The following ANO1 variants were observed in gnomAD, a reference collection of about 807,000 sequenced individuals.
ANO1 encodes the protein anoctamin 1, also known as anoctamin-1.
In ANO1, 59 loss-of-function variants were observed where a neutral mutation model predicts 124.0. That is an observed-to-expected ratio of 0.48 (90% confidence interval 0.39 to 0.59). ANO1 has a LOEUF of 0.59. ANO1 is among the 20% of genes least tolerant of loss of function. ANO1 has a pLI of 0.00. For synonymous variants in ANO1, 529 were observed against 532.0 expected (o/e 0.99, Z 0.08); for missense variants, 1,059 against 1,328.0 (o/e 0.80, Z 3.15).
At chr11:70,069,609 G>A (rs1857818847) in intron 1 of ANO1, among the ~76,000 whole-genome samples, 1 of 152,158 alleles carries the variant, frequency 6.6e-6, no homozygotes, top group Non-Finnish European at 1.5e-5. Context: ...CAGGGATGCT[G>A]ACTTGATTTT....
chr11:70,152,523 T>A (rs1331049657), intron 13 of ANO1, 62 bp downstream of exon 13: 2 of 1,563,172 alleles, frequency 1.3e-6, no homozygotes, highest in Middle Eastern at 1.7e-4. Context: ...AGAGGGACCT[T>A]CTCTTGCACC....
intron 1 of ANO1, chr11:70,085,599 G>C (rs2044341328): frequency 6.5e-7 from 1 of 1,535,584 alleles, no homozygotes; most frequent in Admixed American, 2.0e-5. Context: ...CAAGGTGCCA[G>C]GGACATGGCC....
chr11:70,043,456 G>C (rs1386387468), intron 1 of ANO1, among the ~76,000 whole-genome samples: 1 of 152,118 alleles, frequency 6.6e-6, no homozygotes, highest in Admixed American at 6.5e-5. Context: ...TTAATGAGAA[G>C]TATAAGCCCA....
chr11:69,969,763 A>G, the ANO1 span, among the ~76,000 whole-genome samples: 4 of 152,244 alleles, frequency 2.6e-5, no homozygotes, highest in African/African-American at 9.6e-5. Flanking sequence ...CCTGGCCAAT[A>G]TGGTGAAACC....
the ANO1 span, among the ~76,000 whole-genome samples, chr11:69,976,528 AAAAAAAAAAAAAAAAAAAAAAAAAAAG>A: frequency 3.9e-4 from 8 of 20,672 alleles, 2 homozygotes; most frequent in South Asian, 7.9e-3. Flanking sequence ...AAAAAAAAAA[AAAAAAAAAAAAAAAAAAAAAAAAAAAG>A]AGAGAGAGAG....
chr11:70,118,043 T>G (rs1383700285), intron 8 of ANO1, among the ~76,000 whole-genome samples: 1 of 152,116 alleles, frequency 6.6e-6, no homozygotes, highest in Non-Finnish European at 1.5e-5. Flanking sequence ...AATTCCAGCC[T>G]CAGAGTCCAG....
chr11:69,967,678 C>G, the ANO1 span, among the ~76,000 whole-genome samples: 1 of 152,208 alleles, frequency 6.6e-6, no homozygotes, highest in Admixed American at 6.5e-5. Context: ...CCCGTTTACA[C>G]AAGAGTAAAG....
At chr11:70,170,774 G>A in intron 21 of ANO1, 113 bp from the exon 22 acceptor site, 11 of 1,377,236 alleles carry the variant, frequency 8.0e-6, no homozygotes, top group South Asian at 2.8e-5. Context: ...AGGTGGGCTC[G>A]TTGGAGGTGG....
intron 1 of ANO1, among the ~76,000 whole-genome samples, chr11:70,008,430 G>A (rs1270927026): frequency 6.6e-6 from 1 of 152,178 alleles, no homozygotes; most frequent in Non-Finnish European, 1.5e-5. Context: ...TATGGCGTAA[G>A]GTAAGGATCC....
chr11:70,135,154 C>A (rs1288651479), intron 11 of ANO1, among the ~76,000 whole-genome samples: 2 of 152,058 alleles, frequency 1.3e-5, no homozygotes, highest in African/African-American at 4.8e-5. Context: ...CTCATGGCAC[C>A]CTCCCTCCCT....
At chr11:70,127,415 G>A (rs1455548239) in intron 10 of ANO1, among the ~76,000 whole-genome samples, 1 of 152,162 alleles carries the variant, frequency 6.6e-6, no homozygotes, top group African/African-American at 2.4e-5. Flanking sequence ...ATGTAGATCC[G>A]ATGTGCCTTC....
the ANO1 span, among the ~76,000 whole-genome samples, chr11:69,978,665 G>A: frequency 7.2e-5 from 11 of 152,116 alleles, no homozygotes; most frequent in African/African-American, 2.4e-4. Flanking sequence ...CCTCCTTCTT[G>A]ATTGTCCTAT....
intron 1 of ANO1, among the ~76,000 whole-genome samples, chr11:70,034,129 G>A (rs950456178): frequency 3.5e-4 from 54 of 152,226 alleles, no homozygotes; most frequent in African/African-American, 1.0e-3. Flanking sequence ...CACCCATTAC[G>A]TAGCAGGTCC....
intron 11 of ANO1, among the ~76,000 whole-genome samples, chr11:70,134,627 G>T (rs2046883771): frequency 6.6e-6 from 1 of 152,206 alleles, no homozygotes; most frequent in African/African-American, 2.4e-5. Flanking sequence ...TGCGCCTGGT[G>T]TGTGGGAGGT....
chr11:70,016,773 C>T (rs1555002010), intron 1 of ANO1, among the ~76,000 whole-genome samples: 1 of 152,246 alleles, frequency 6.6e-6, no homozygotes, highest in Non-Finnish European at 1.5e-5. Context: ...CACCCTTAAT[C>T]TGGCTGCACT....
chr11:70,179,988 CT>C lies in ANO1; in HGVS notation c.2351-14del. ...AGTGTAGGGCTCTTTAAAACTGTGA[CT>C]TCTTCTTCCCCCAGGAATCTGGTAC... On this transcript the variant is annotated splice_polypyrimidine_tract_variant and intron_variant, in intron 22 of 25. Coordinates refer to ENST00000355303, the MANE Select transcript of ANO1 (RefSeq NM_018043.7). 6.2e-7 allele frequency: 1 copy of C among 1,611,004 alleles called. No individual in the cohort carries two copies. Among genetic ancestry groups the C allele is most frequent in the Non-Finnish European group, 8.5e-7 (1 of 1,177,318 alleles).
At chr11:70,067,202 C>A (rs1857749554) in intron 1 of ANO1, among the ~76,000 whole-genome samples, 2 of 152,284 alleles carry the variant, frequency 1.3e-5, no homozygotes, top group South Asian at 2.1e-4. Flanking sequence ...CCCCTCTACC[C>A]CGTGGGGCTT....
intron 2 of ANO1, among the ~76,000 whole-genome samples, chr11:70,091,560 G>C (rs1196183761): frequency 6.6e-6 from 1 of 152,208 alleles, no homozygotes; most frequent in Admixed American, 6.5e-5. Flanking sequence ...TGCACTGAAG[G>C]CTGGATGAGG....
chr11:70,093,928 G>A (rs748462124), intron 2 of ANO1, among the ~76,000 whole-genome samples: 22 of 152,180 alleles, frequency 1.4e-4, no homozygotes, highest in Non-Finnish European at 2.8e-4. Flanking sequence ...TGTGGACCCA[G>A]CTCAAACTTC....
Sources: gnomAD v4.1 joint callset for allele counts (sites outside exome capture counted in the v4.1 genomes callset) on GRCh38, gnomAD v4.1.1 for gene constraint, MANE v1.5 for transcripts, NCBI Gene and HGNC (gene_info 2026-07-23, HGNC 2026-07-21) for gene names.